GUCY1A2: variants seen among roughly 807,000 people sequenced by gnomAD.
The protein encoded by GUCY1A2 is guanylate cyclase 1 soluble subunit alpha 2, also known as guanylate cyclase soluble subunit alpha-2.
In GUCY1A2, 27 loss-of-function variants were observed where a neutral mutation model predicts 63.5. The observed-to-expected ratio is 0.43, with a 90% confidence interval of 0.31 to 0.59. GUCY1A2 has a LOEUF of 0.59. Ranked by LOEUF, GUCY1A2 falls within the 20% of genes least tolerant of loss-of-function variation. The probability of loss-of-function intolerance (pLI) is 0.11; values close to 1 mark genes in which losing one functional copy is unlikely to be tolerated. For synonymous variants in GUCY1A2, 364 were observed against 343.5 expected (o/e 1.06, Z -0.66); for missense variants, 768 against 913.3 (o/e 0.84, Z 2.05).
intron 5 of GUCY1A2, among the ~76,000 whole-genome samples, chr11:106,779,888 T>C (rs529210451): frequency 6.6e-6 from 1 of 152,306 alleles, no homozygotes; most frequent in Admixed American, 6.5e-5. Context: ...CATGATTGTA[T>C]AAAACTTTAA....
intron 1 of GUCY1A2, among the ~76,000 whole-genome samples, chr11:107,013,091 A>G (rs746475120): frequency 6.6e-6 from 1 of 152,132 alleles, no homozygotes; most frequent in African/African-American, 2.4e-5. Context: ...TGTCACTTGA[A>G]TCTAAGCTTC....
chr11:107,017,729 T>TC (rs1591366081), intron 1 of GUCY1A2, 24 bp downstream of exon 1: 5 of 1,322,048 alleles, frequency 3.8e-6, no homozygotes, highest in Non-Finnish European at 3.9e-6. Context: ...CCGAAGGCGG[T>TC]CCCCCCTTCC....
At chr11:106,787,878 T>G (rs1864592827) in intron 5 of GUCY1A2, among the ~76,000 whole-genome samples, 1 of 152,072 alleles carries the variant, frequency 6.6e-6, no homozygotes, top group African/African-American at 2.4e-5. Flanking sequence ...TATACTTACT[T>G]CCCTTCTTTT....
chr11:106,759,495 G>A (rs1308419944), intron 6 of GUCY1A2, among the ~76,000 whole-genome samples: 1 of 152,208 alleles, frequency 6.6e-6, no homozygotes, highest in South Asian at 2.1e-4. Flanking sequence ...CATATACTGA[G>A]TTCCTAATCC....
chr11:106,834,173 AC>A (rs1859087815), intron 4 of GUCY1A2, among the ~76,000 whole-genome samples: 2 of 151,930 alleles, frequency 1.3e-5, no homozygotes, highest in Non-Finnish European at 2.9e-5. Context: ...TTCATCTTAT[AC>A]TTGCAAATGT....
intron 6 of GUCY1A2, among the ~76,000 whole-genome samples, chr11:106,769,714 A>C (rs1265733525): frequency 6.6e-6 from 1 of 152,260 alleles, no homozygotes; most frequent in Admixed American, 6.5e-5. Flanking sequence ...AACTGCCACT[A>C]TATGCATTAT....
rs533495044 is a variant in GUCY1A2 at position 106,706,292 on chromosome 11, A to C, written c.1991+2220T>G. On this transcript the variant is annotated intron_variant, in intron 7 of 7. Transcript: ENST00000526355. ...TGAGCTTAATACTGGGTTTTACTTC[A>C]TAAATTATATTTGTTCTAAGAATCT... Among the ~76,000 whole-genome samples the C allele has an allele frequency of 9.2e-5, 14 of 152,294 alleles. 1 individual carries two copies. In the South Asian group the frequency reaches 2.7e-3, roughly 29 times the overall value.
chr11:106,999,093 C>G (rs1298024642), intron 1 of GUCY1A2, among the ~76,000 whole-genome samples: 2 of 152,130 alleles, frequency 1.3e-5, no homozygotes, highest in Admixed American at 6.5e-5. Flanking sequence ...CCCCATGTTC[C>G]TCCAAAAAGG....
chr11:106,742,422 G>A (rs921600429), intron 6 of GUCY1A2, among the ~76,000 whole-genome samples: 25 of 152,072 alleles, frequency 1.6e-4, no homozygotes, highest in Non-Finnish European at 8.8e-5. Flanking sequence ...TCCCACTTAC[G>A]AGTGAGAATA....
At chr11:106,960,433 G>A (rs760107237) in intron 3 of GUCY1A2, among the ~76,000 whole-genome samples, 1 of 152,170 alleles carries the variant, frequency 6.6e-6, no homozygotes, top group African/African-American at 2.4e-5. Flanking sequence ...GGATGCCTGA[G>A]AAGCCCAAAA....
intron 1 of GUCY1A2, among the ~76,000 whole-genome samples, chr11:107,001,425 T>A (rs944270065): frequency 6.6e-6 from 1 of 152,186 alleles, no homozygotes; most frequent in Non-Finnish European, 1.5e-5. Flanking sequence ...ACATTTTTTT[T>A]AATTGGGCTA....
chr11:106,730,703 T>C lies in GUCY1A2; in HGVS notation c.1837-22037A>G, dbSNP rs140170111. Among the ~76,000 whole-genome samples the C allele has an allele frequency of 8.1e-3, 1,229 of 152,224 alleles. 13 individuals are homozygous for C. The highest frequency in any genetic ancestry group is 0.014 in the Non-Finnish European group (923 of 67,988). On this transcript the variant is annotated intron_variant, in intron 6 of 7. Transcript: ENST00000526355. ...TGAGGAATCACCACACTGTCTTCCA[T>C]AATGGCTGAACTAATTTACATTCCC...
Position 106,940,118 on chromosome 11 carries a change from T to A in GUCY1A2, c.548A>T (p.His183Leu). 3 of 1,612,632 alleles carry A rather than the reference T, an allele frequency of 1.9e-6. No homozygotes were observed. The highest frequency in any genetic ancestry group is 1.7e-4 in the Middle Eastern group (1 of 6,052). Residue 183 changes from histidine (H) to leucine (L), a missense_variant, in exon 4 of 8, where the codon CAT becomes CTT. Physicochemically the swap from His to Leu is moderately conservative, Grantham distance 99. Coordinates refer to ENST00000526355, the MANE Select transcript of GUCY1A2 (RefSeq NM_000855.3). ...FGEEFFNICF[H>L]ENERVLRAVG... ...AGCTCGAAGGACTCTCTCATTCTCA[T>A]GAAAGCATATATTAAAGAACTCTTC...
At chr11:106,957,562 G>T (rs1861003554) in intron 3 of GUCY1A2, among the ~76,000 whole-genome samples, 1 of 149,456 alleles carries the variant, frequency 6.7e-6, no homozygotes, top group South Asian at 2.2e-4. Context: ...TGGCTCTCAG[G>T]TGGGCCTTCT....
At chr11:106,826,545 G>A (rs1165646763) in intron 4 of GUCY1A2, 20 of 1,602,648 alleles carry the variant, frequency 1.2e-5, no homozygotes, top group Non-Finnish European at 1.7e-5. Context: ...CATTTTGCAT[G>A]ACGACTTTGA....
At chr11:106,738,556 G>A (rs1053793136) in intron 6 of GUCY1A2, among the ~76,000 whole-genome samples, 1 of 152,222 alleles carries the variant, frequency 6.6e-6, no homozygotes, top group East Asian at 1.9e-4. Context: ...TCCATCTTGA[G>A]TTAATTTTTG....
intron 4 of GUCY1A2, chr11:106,936,522 T>C (rs1860679045): frequency 3.7e-6 from 2 of 537,602 alleles, no homozygotes; most frequent in African/African-American, 3.8e-5. Flanking sequence ...AATACTATAA[T>C]GAGGAAAAAG....
At chr11:106,860,125 TAA>T (rs141338285) in intron 4 of GUCY1A2, among the ~76,000 whole-genome samples, 5,445 of 152,082 alleles carry the variant, frequency 0.036, 124 homozygotes, top group Middle Eastern at 0.058. Context: ...ATGAATTACT[TAA>T]GTTTATGTTT....
intron 4 of GUCY1A2, among the ~76,000 whole-genome samples, chr11:106,908,465 G>C (rs1002451211): frequency 6.6e-6 from 1 of 151,834 alleles, no homozygotes; most frequent in East Asian, 1.9e-4. Flanking sequence ...ATTTTACAAG[G>C]ATATACCTAT....
Sources: allele counts gnomAD v4.1 joint callset (sites outside exome capture counted in the v4.1 genomes callset), GRCh38; gene constraint gnomAD v4.1.1; transcripts MANE v1.5; gene names NCBI Gene and HGNC (gene_info 2026-07-23, HGNC 2026-07-21).